AMBP: variants seen among roughly 807,000 people sequenced by gnomAD.
AMBP encodes alpha-1-microglobulin/bikunin precursor.
A neutral mutation model predicts 46.3 loss-of-function variants in AMBP; 37 were observed. That is an observed-to-expected ratio of 0.80 (90% CI 0.61 to 1.05). AMBP has a LOEUF of 1.05. AMBP is among the 50% of genes least tolerant of loss of function. AMBP has a pLI of 0.00. For synonymous variants in AMBP, 174 were observed against 175.9 expected (o/e 0.99, Z 0.09); for missense variants, 475 against 461.2 (o/e 1.03, Z -0.27).
At chr9:114,075,845 T>C (rs1246343573) in intron 2 of AMBP, among the ~76,000 whole-genome samples, 1 of 152,090 alleles carries the variant, frequency 6.6e-6, no homozygotes, top group Non-Finnish European at 1.5e-5. Context: ...CAGGAACTAA[T>C]TAGCCCAGGG....
intron 2 of AMBP, among the ~76,000 whole-genome samples, chr9:114,075,350 G>A (rs1846794886): frequency 1.3e-5 from 2 of 152,222 alleles, no homozygotes; most frequent in African/African-American, 2.4e-5. Flanking sequence ...TGAGGCAGGA[G>A]GAGCTGGAGT....
At chr9:114,062,580 A>C in intron 7 of AMBP, 97 bp downstream of exon 7, 5 of 1,219,190 alleles carry the variant, frequency 4.1e-6, no homozygotes, top group Non-Finnish European at 6.0e-6. Context: ...CTAACAGATA[A>C]AGAGACTGCA....
intron 7 of AMBP, among the ~76,000 whole-genome samples, chr9:114,061,797 A>G (rs554647989): frequency 2.2e-4 from 34 of 152,224 alleles, no homozygotes; most frequent in African/African-American, 7.9e-4. Context: ...TCCAAAACCA[A>G]TGCCCATTCC....
intron 6 of AMBP, among the ~76,000 whole-genome samples, chr9:114,064,148 G>A (rs1329933796): frequency 2.6e-5 from 4 of 152,158 alleles, no homozygotes; most frequent in Admixed American, 6.5e-5. Context: ...GCCACTGGCC[G>A]TATGATATAA....
At chr9:114,073,440 G>T (rs7024791) in intron 4 of AMBP, among the ~76,000 whole-genome samples, 2,982 of 149,506 alleles carry the variant, frequency 0.02, 102 homozygotes, top group African/African-American at 0.066. Flanking sequence ...TAGAGACGGG[G>T]TTTCACCATG....
At chr9:114,071,871 C>A (rs988343917) in intron 5 of AMBP, among the ~76,000 whole-genome samples, 1 of 152,186 alleles carries the variant, frequency 6.6e-6, no homozygotes, top group Non-Finnish European at 1.5e-5. Context: ...AGGAGCTTCC[C>A]ATTCCAGGGT....
At position 114,075,102 on chromosome 9, in the gene AMBP, T is replaced by A; in HGVS notation, c.261-66A>T. The A allele has an allele frequency of 2.3e-6, 3 of 1,318,462 alleles. No homozygotes were observed. The South Asian group carries it at 3.7e-5, about 16-fold the overall frequency. 81.7% of individuals were successfully genotyped at this position (1,318,462 alleles called of 1,614,324 possible). On this transcript the variant is annotated intron_variant, in intron 2 of 9. Transcript: ENST00000265132. ...AGATCATGGTCCTGACACTCAACCC[T>A]CCTGCAGGGCTCTTTCCAAATGCCT...
At position 114,069,589 on chromosome 9, in the gene AMBP, C is replaced by T. The variant is rs906910054; in HGVS notation, c.603+110G>A. The T allele has an allele frequency of 1.8e-5, 20 of 1,088,892 alleles. No individual in the cohort carries two copies. The Admixed American group carries it at 3.0e-4, about 16-fold the overall frequency. 67.5% of individuals were successfully genotyped at this position (1,088,892 alleles called of 1,614,324 possible). A position where few individuals can be genotyped will look rare whatever the true frequency, so the allele number is the denominator to read the frequency against. On this transcript the variant is annotated intron_variant, in intron 6 of 9. Transcript: ENST00000265132. The stretch of plus-strand genomic sequence containing the variant: ...TCATGGCCATCGCTGCCTTCTCTCA[C>T]CCCCTCCCCATGACTCTGCCTCCCC...
intron 2 of AMBP, among the ~76,000 whole-genome samples, chr9:114,075,951 A>G (rs945945929): frequency 1.3e-5 from 2 of 151,946 alleles, no homozygotes; most frequent in Non-Finnish European, 2.9e-5. Context: ...CGTGAGTAGG[A>G]CTCAGAGTAC....
In AMBP at chr9:114,078,131, C is replaced by T. The variant is rs377277500; in HGVS notation, c.79G>A (p.Asp27Asn). 12 of 1,613,752 alleles carry T rather than the reference C, an allele frequency of 7.4e-6. No individual in the cohort carries two copies. Among genetic ancestry groups the T allele is most frequent in the Admixed American group, 5.0e-5 (3 of 60,014 alleles). Reference protein sequence around the residue: ...VSAGPVPTPPDNIQVQENFNI... With the variant: ...VSAGPVPTPPNNIQVQENFNI... ...AAGTTTTCCTGCACTTGGATGTTGTCGGGCGGCGTTGGCACAGGGCCAGCG... is the reference window on the plus strand; with the variant it reads ...AAGTTTTCCTGCACTTGGATGTTGTTGGGCGGCGTTGGCACAGGGCCAGCG... Residue 27 changes from aspartate (D) to asparagine (N), a missense_variant, in exon 1 of 10, where the codon GAC becomes AAC. Physicochemically the swap from Asp to Asn is conservative, Grantham distance 23. Around this residue, in one of 3 missense-constraint regions of AMBP, gnomAD observed 179 missense variants for 167.4 expected, o/e 1.07. Coordinates refer to ENST00000265132, the MANE Select transcript of AMBP (RefSeq NM_001633.4).
At chr9:114,075,058 G>A (rs1050280696) in intron 2 of AMBP, 22 bp from the exon 3 acceptor site, 6 of 1,604,722 alleles carry the variant, frequency 3.7e-6, no homozygotes, top group Non-Finnish European at 5.1e-6. Context: ...CAAATCAAAA[G>A]GAAGGTCACT....
chr9:114,061,514 C>T lies in AMBP; in HGVS notation c.763G>A (p.Ala255Thr). 1 of 1,614,062 alleles carries T rather than the reference C, an allele frequency of 6.2e-7. No homozygotes were observed. Among genetic ancestry groups the T allele is most frequent in the Non-Finnish European group, 8.5e-7 (1 of 1,179,958 alleles). Residue 255 changes from alanine (A) to threonine (T), a missense_variant, in exon 8 of 10, where the codon GCC (alanine) becomes ACC (threonine). Ala to Thr is a moderately conservative substitution (Grantham distance 58). Coordinates refer to ENST00000265132, the MANE Select transcript of AMBP (RefSeq NM_001633.4). ...SRYFYNGTSMACETFQYGGCM... is the reference protein window; with the variant it reads ...SRYFYNGTSMTCETFQYGGCM... ...CCGCCGTACTGGAAAGTCTCACAGG[C>T]CATGGATGTACCATTATAGAAATAC...
intron 9 of AMBP, 137 bp downstream of exon 9, chr9:114,060,788 T>G: frequency 9.4e-7 from 1 of 1,060,544 alleles, no homozygotes; most frequent in Non-Finnish European, 1.4e-6. Context: ...CTCAGCCCCA[T>G]TTCAGAGAGT....
chr9:114,061,240 G>C lies in AMBP; in HGVS notation c.854-142C>G, dbSNP rs571338343. On this transcript the variant is annotated intron_variant, in intron 8 of 9. Coordinates refer to ENST00000265132, the MANE Select transcript of AMBP (RefSeq NM_001633.4). The stretch of plus-strand genomic sequence containing the variant: ...CAGATGGGGAAACTGGGGCCCACAG[G>C]AAGAAAATGATTTGCCCGAGGTCCT... 8 of 1,390,290 alleles carry C rather than the reference G, an allele frequency of 5.8e-6. No homozygotes were observed. In the East Asian group the frequency reaches 1.7e-4, roughly 29 times the overall value. The allele number at this position is 1,390,290 out of a possible 1,614,324, so 86.1% of individuals were successfully genotyped here.
Position 114,076,750 on chromosome 9 carries a change from A to G in AMBP, c.118-10T>C, listed in dbSNP as rs368807998. 1.1e-5 allele frequency: 18 copies of G among 1,613,514 alleles called. No individual in the cohort carries two copies. Among genetic ancestry groups the G allele is most frequent in the Non-Finnish European group, 1.5e-5 (18 of 1,179,738 alleles). ...ACCACTTCCCATAGATCTAGGAGGC[A>G]GGTGAGCTCTGGGGGTCTGCATCAG... On this transcript the variant is annotated splice_polypyrimidine_tract_variant and intron_variant, in intron 1 of 9. Transcript: ENST00000265132.
chr9:114,066,421 G>A (rs1406348858), intron 6 of AMBP, among the ~76,000 whole-genome samples: 1 of 142,836 alleles, frequency 7.0e-6, no homozygotes, highest in Non-Finnish European at 1.6e-5. Context: ...GTAGAGATGG[G>A]GTCTTGCTAT....
At chr9:114,077,474 G>C (rs1024927213) in intron 1 of AMBP, 1 of 153,350 alleles carries the variant, frequency 6.5e-6, no homozygotes, top group Non-Finnish European at 1.5e-5. Context: ...AGTGGGGGCT[G>C]GAAGGCAGCT....
Position 114,069,711 on chromosome 9 carries a change from G to C in AMBP, c.591C>G (p.Pro197=). The C allele has an allele frequency of 6.2e-7, 1 of 1,613,798 alleles. No homozygotes were observed. The highest frequency in any genetic ancestry group is 8.5e-7 in the Non-Finnish European group (1 of 1,179,984). ...ECVPGEQEPE[P]ILIPRVRRAV... ...ATGAGGCACTCACCGGGATTAAGAT[G>C]GGCTCTGGTTCCTGCTCCCCAGGGA... The change falls in exon 6 of 10, where the codon CCC becomes CCG. Residue 197 remains proline (P), a synonymous_variant. Coordinates refer to ENST00000265132, the MANE Select transcript of AMBP (RefSeq NM_001633.4).
intron 6 of AMBP, among the ~76,000 whole-genome samples, chr9:114,068,011 A>T (rs1846710157): frequency 2.6e-5 from 4 of 152,228 alleles, no homozygotes; most frequent in Admixed American, 2.6e-4. Context: ...ACTACTTCTA[A>T]AAGATGGGAT....
Sources: allele counts gnomAD v4.1 joint callset (sites outside exome capture counted in the v4.1 genomes callset), GRCh38; gene constraint gnomAD v4.1.1; regional missense constraint gnomAD v4.1.1; transcripts MANE v1.5; gene names NCBI Gene and HGNC (gene_info 2026-07-23, HGNC 2026-07-21).